The following ZNF557 variants were observed in gnomAD, a reference collection of about 807,000 sequenced individuals.
ZNF557 encodes the protein CTB-25J19.9.
Under a neutral mutation model 21.2 loss-of-function variants are expected in ZNF557, and 19 were observed. The observed-to-expected ratio is 0.90, with a 90% CI of 0.63 to 1.32. The LOEUF is 1.32. Ranked by LOEUF, ZNF557 falls within the 40% of genes most tolerant of loss-of-function variation. The probability of loss-of-function intolerance (pLI) is 0.00; values close to 1 mark genes in which losing one functional copy is unlikely to be tolerated. For synonymous variants in ZNF557, 207 were observed against 194.8 expected (o/e 1.06, Z -0.52); for missense variants, 487 against 519.8 (o/e 0.94, Z 0.61).
intron 2 of ZNF557, among the ~76,000 whole-genome samples, chr19:7,072,573 T>G (rs1243744478): frequency 6.6e-6 from 1 of 152,216 alleles, no homozygotes; most frequent in African/African-American, 2.4e-5. Context: ...TGGCCCCTTA[T>G]TTGTCCACAT....
intron 7 of ZNF557, among the ~76,000 whole-genome samples, chr19:7,082,651 A>G (rs757598714): frequency 1.5e-4 from 23 of 152,208 alleles, no homozygotes; most frequent in Non-Finnish European, 3.2e-4. Context: ...CCTTAAATTT[A>G]TCAAAAATAC....
chr19:7,075,537 G>C lies in ZNF557; in HGVS notation c.32-118G>C, dbSNP rs146991026. The C allele has an allele frequency of 9.3e-4, 894 of 963,018 alleles. 2 individuals carry two copies. The African/African-American group carries it at 0.013, about 14-fold the overall frequency. The allele number at this position is 963,018 out of a possible 1,614,324, so 59.7% of individuals were successfully genotyped here. On this transcript the variant is annotated intron_variant, in intron 3 of 7. Transcript: ENST00000252840. ...TGCTTGGAGTAGAGGTGGATGCTTT[G>C]TGGGTGACTGTGTATGCATGGGGAC...
rs754135166 is a variant in ZNF557 at position 7,081,409 on chromosome 19, T to TA, written c.300dup (p.Val101SerfsTer21). On this transcript the variant is annotated frameshift_variant, in exon 6 of 8. Transcript: ENST00000252840. LOFTEE classifies it high-confidence loss of function. ...TGATCTCCCAGCTGGAGCAAGAAGA[T>TA]AAAGTGATGACAGAAGAGAGAGGAA... is the stretch of plus-strand genomic sequence containing the variant. 1.9e-6 allele frequency: 3 copies of TA among 1,613,914 alleles called. No homozygotes were observed. In the South Asian group the frequency reaches 3.3e-5, roughly 18 times the overall value.
chr19:7,083,369 T>G lies in ZNF557; in HGVS notation c.918T>G (p.Ser306=). The G allele has an allele frequency of 1.2e-6, 2 of 1,614,216 alleles. No homozygotes were observed. The highest frequency in any genetic ancestry group is 2.2e-5 in the South Asian group (2 of 91,088). ...GAAAGGCTTTCGGCACGAGGTCATC[T>G]CTTTCTTCGCACTATAGCATTCATA... ...QCGKAFGTRS[S]LSSHYSIHTG... The change falls in exon 8 of 8, where the codon TCT becomes TCG. Residue 306 remains serine, a synonymous_variant. Coordinates refer to ENST00000252840, the MANE Select transcript of ZNF557 (RefSeq NM_024341.3).
At chr19:7,081,155 GTGT>G (rs1568409350) in intron 5 of ZNF557, among the ~76,000 whole-genome samples, 5 of 11,448 alleles carry the variant, frequency 4.4e-4, no homozygotes, top group East Asian at 0.025. Context: ...TGTGGGGTGT[GTGT>G]GTGTGTGTGT....
intron 7 of ZNF557, among the ~76,000 whole-genome samples, chr19:7,082,429 A>AAAG (rs1977731601): frequency 6.6e-6 from 1 of 151,586 alleles, no homozygotes; most frequent in Non-Finnish European, 1.5e-5. Flanking sequence ...CTCAAAAAAA[A>AAAG]AAAAAAAAAA....
Position 7,083,559 on chromosome 19 carries a change from C to A in ZNF557, c.1108C>A (p.His370Asn). Residue 370 changes from histidine to asparagine, a missense_variant, in exon 8 of 8, where the codon CAT becomes AAT. His to Asn is a moderately conservative substitution (Grantham distance 68). Transcript: ENST00000252840. ...TTCTCTTACAATTCACAGGAGAATA[C>A]ATAATGGAGAGAAATCCTATGAGTG... is the stretch of plus-strand genomic sequence containing the variant. ...SFSLTIHRRI[H>N]NGEKSYECSD... 6.2e-7 allele frequency: 1 copy of A among 1,614,124 alleles called. No individual in the cohort carries two copies. Among genetic ancestry groups the A allele is most frequent in the African/African-American group, 1.3e-5 (1 of 75,026 alleles).
intron 2 of ZNF557, among the ~76,000 whole-genome samples, chr19:7,071,753 T>C (rs1390475572): frequency 2.4e-5 from 3 of 122,812 alleles, no homozygotes; most frequent in Non-Finnish European, 4.7e-5. Context: ...TGAGCCAAGA[T>C]GGCACCGCTG....
In ZNF557 at chr19:7,087,916, AC is replaced by A. The variant is rs1406365694; in HGVS notation, c.*4173del. 1 of 152,118 alleles carries A rather than the reference AC, an allele frequency of 6.6e-6. No individual in the cohort carries two copies. Among genetic ancestry groups the A allele is most frequent in the Non-Finnish European group, 1.5e-5 (1 of 68,024 alleles). The allele number at this position is 152,118 out of a possible 1,614,324, so 9.4% of individuals were successfully genotyped here. On this transcript the variant is annotated 3_prime_UTR_variant, in exon 8 of 8. Coordinates refer to ENST00000252840, the MANE Select transcript of ZNF557 (RefSeq NM_024341.3). ...TACTGTATTTGTTTCTCTCGACCTGACTTAGTGATAGAGGTATATTAAAGTC... is the reference window on the plus strand; with the variant it reads ...TACTGTATTTGTTTCTCTCGACCTGATTAGTGATAGAGGTATATTAAAGTC...
chr19:7,081,236 T>G (rs1037495975), intron 5 of ZNF557, 124 bp from the exon 6 acceptor site: 1 of 591,730 alleles, frequency 1.7e-6, no homozygotes, highest in African/African-American at 1.9e-5. Context: ...TATTCAATTT[T>G]GGCATAATTA....
Position 7,081,552 on chromosome 19 carries a change from A to C in ZNF557, c.343+97A>C, listed in dbSNP as rs553507614. On this transcript the variant is annotated intron_variant, in intron 6 of 7. Transcript: ENST00000252840. ...TAATACATTAGGAAATATCAGTCAG[A>C]GAACTGTGTAAATGCCCCTTTTCCC... 1.9e-4 allele frequency: 158 copies of C among 848,056 alleles called. 1 individual carries two copies. In the South Asian group the frequency reaches 2.5e-3, roughly 13 times the overall value. 52.5% of individuals were successfully genotyped at this position (848,056 alleles called of 1,614,324 possible).
Position 7,085,179 on chromosome 19 carries a change from A to G in ZNF557, c.*1435A>G, listed in dbSNP as rs755757960. 3 of 152,134 alleles carry G rather than the reference A, an allele frequency of 2.0e-5. No homozygotes were observed. Among genetic ancestry groups the G allele is most frequent in the Non-Finnish European group, 4.4e-5 (3 of 68,014 alleles). 9.4% of individuals were successfully genotyped at this position (152,134 alleles called of 1,614,324 possible). On this transcript the variant is annotated 3_prime_UTR_variant, in exon 8 of 8. Coordinates refer to ENST00000252840, the MANE Select transcript of ZNF557 (RefSeq NM_024341.3). ...AACTCAGTGTAAGATAACAATTTAT[A>G]CAATTTATTTTTTGAGACAGGGTTT...
intron 3 of ZNF557, 83 bp from the exon 4 acceptor site, chr19:7,075,572 C>G (rs558664945): frequency 4.3e-6 from 6 of 1,386,846 alleles, no homozygotes; most frequent in Non-Finnish European, 5.0e-6. Context: ...CCTGGTCGAT[C>G]GCAGGCAGGT....
intron 2 of ZNF557, among the ~76,000 whole-genome samples, chr19:7,072,159 C>T (rs935580058): frequency 6.8e-6 from 1 of 147,408 alleles, no homozygotes; most frequent in African/African-American, 2.5e-5. Flanking sequence ...CACAGTGGCT[C>T]ACACCTGTAA....
Position 7,085,471 on chromosome 19 carries a change from C to A in ZNF557, c.*1727C>A, listed in dbSNP as rs1167013505. On this transcript the variant is annotated 3_prime_UTR_variant, in exon 8 of 8. Coordinates refer to ENST00000252840, the MANE Select transcript of ZNF557 (RefSeq NM_024341.3). ...GAGCTACCACTCTCAGCCAGAACTT[C>A]TTAAGATAAAGGATGAGGGAATGTT... is the stretch of plus-strand genomic sequence containing the variant. 2 of 152,120 alleles carry A rather than the reference C, an allele frequency of 1.3e-5. No individual in the cohort carries two copies. The highest frequency in any genetic ancestry group is 2.9e-5 in the Non-Finnish European group (2 of 68,016). The allele number at this position is 152,120 out of a possible 1,614,324, so 9.4% of individuals were successfully genotyped here. A position where few individuals can be genotyped will look rare whatever the true frequency, so the allele number is the denominator to read the frequency against.
intron 2 of ZNF557, among the ~76,000 whole-genome samples, chr19:7,073,966 G>GC (rs1891743950): frequency 7.0e-6 from 1 of 142,234 alleles, no homozygotes; most frequent in Non-Finnish European, 1.5e-5. Flanking sequence ...GCCTGCCCCC[G>GC]CCCCCACCAA....
At chr19:7,081,323 A>G in intron 5 of ZNF557, 37 bp from the exon 6 acceptor site, 5 of 1,412,348 alleles carry the variant, frequency 3.5e-6, no homozygotes, top group Non-Finnish European at 5.0e-6. Context: ...TCTGCTGCAC[A>G]GTCCCCCTAC....
In ZNF557 at chr19:7,083,795, C is replaced by G; in HGVS notation, c.*51C>G. ...CATTGATCTTTCATGCCTCAGATAA[C>G]ATGAGCAAACTCTAACAAGATGTAT... On this transcript the variant is annotated 3_prime_UTR_variant, in exon 8 of 8. Coordinates refer to ENST00000252840, the MANE Select transcript of ZNF557 (RefSeq NM_024341.3). The G allele has an allele frequency of 6.5e-7, 1 of 1,540,614 alleles. No individual in the cohort carries two copies. The highest frequency in any genetic ancestry group is 8.7e-7 in the Non-Finnish European group (1 of 1,143,510).
chr19:7,080,305 T>A (rs8101341), intron 5 of ZNF557, among the ~76,000 whole-genome samples: 1 of 151,808 alleles, frequency 6.6e-6, no homozygotes, highest in South Asian at 2.1e-4. Context: ...CTCCATCTTG[T>A]GGGGGAAAAG....
Sources: allele counts gnomAD v4.1 joint callset (sites outside exome capture counted in the v4.1 genomes callset), GRCh38; gene constraint gnomAD v4.1.1; transcripts MANE v1.5; gene names NCBI Gene and HGNC (gene_info 2026-07-23, HGNC 2026-07-21).